The following TTC39B variants were observed in gnomAD, a reference collection of about 807,000 sequenced individuals.
TTC39B encodes tetratricopeptide repeat domain 39B, also known as tetratricopeptide repeat protein 39B.
A neutral mutation model predicts 96.6 loss-of-function variants in TTC39B; 92 were observed. The observed-to-expected ratio is 0.95, with a 90% CI of 0.80 to 1.13. The LOEUF is 1.13. TTC39B is among the 50% of genes most tolerant of loss of function. The pLI is 0.00. For synonymous variants in TTC39B, 367 were observed against 299.4 expected (o/e 1.23, Z -2.33); for missense variants, 955 against 809.3 (o/e 1.18, Z -2.18).
intron 2 of TTC39B, among the ~76,000 whole-genome samples, chr9:15,228,309 C>A (rs959027516): frequency 1.2e-4 from 18 of 152,056 alleles, no homozygotes; most frequent in Admixed American, 1.3e-4. Flanking sequence ...ACTGAAAATA[C>A]AAAAATTAGC....
chr9:15,184,966 G>A (rs1459925533), intron 16 of TTC39B, among the ~76,000 whole-genome samples: 1 of 152,094 alleles, frequency 6.6e-6, no homozygotes, highest in Non-Finnish European at 1.5e-5. Context: ...AACTTCAATG[G>A]AATCAACTTC....
chr9:15,233,954 C>T lies in TTC39B; in HGVS notation c.276-7942G>A, dbSNP rs1429234207. 4.6e-5 allele frequency among the ~76,000 whole-genome samples: 7 copies of T among 151,494 alleles called. No homozygotes were observed. In the East Asian group the frequency reaches 7.8e-4, roughly 17 times the overall value. On this transcript the variant is annotated intron_variant, in intron 2 of 19. Transcript: ENST00000512701. ...GCCATCCCATCTAGGAAGTGAGGAG[C>T]GTCTCTGCCCCGCCGCCCATCGTCT...
chr9:15,234,441 T>A, intron 2 of TTC39B, among the ~76,000 whole-genome samples: 1 of 150,120 alleles, frequency 6.7e-6, no homozygotes, highest in African/African-American at 2.5e-5. Flanking sequence ...AGCCGCCCCG[T>A]CTGGGAGGTG....
intron 2 of TTC39B, among the ~76,000 whole-genome samples, chr9:15,228,737 A>AT (rs1347590533): frequency 2.8e-4 from 43 of 152,228 alleles, no homozygotes; most frequent in African/African-American, 9.9e-4. Flanking sequence ...TCAATTCAGG[A>AT]ATCACTTATG....
intron 2 of TTC39B, among the ~76,000 whole-genome samples, chr9:15,265,090 G>C (rs1823082433): frequency 6.6e-6 from 1 of 152,206 alleles, no homozygotes. Flanking sequence ...TGCTGGAATA[G>C]TGGGCTAGCA....
intron 1 of TTC39B, among the ~76,000 whole-genome samples, chr9:15,272,838 T>C (rs1276864269): frequency 2.0e-5 from 3 of 152,156 alleles, no homozygotes; most frequent in African/African-American, 4.8e-5. Flanking sequence ...CAGTTTCATT[T>C]TGCACGTTAA....
intron 6 of TTC39B, among the ~76,000 whole-genome samples, chr9:15,204,390 G>T (rs779949652): frequency 1.3e-5 from 2 of 151,992 alleles, no homozygotes; most frequent in Non-Finnish European, 1.5e-5. Context: ...TTAGCCAGGC[G>T]TGGTGGCACA....
chr9:15,216,213 C>A (rs1820508879), intron 3 of TTC39B, among the ~76,000 whole-genome samples: 1 of 152,166 alleles, frequency 6.6e-6, no homozygotes, highest in Non-Finnish European at 1.5e-5. Context: ...GTCTGTCTTT[C>A]CTCTCTAGGA....
At chr9:15,185,084 G>T (rs908846678) in intron 16 of TTC39B, among the ~76,000 whole-genome samples, 196 bp downstream of exon 16, 1 of 152,104 alleles carries the variant, frequency 6.6e-6, no homozygotes, top group Non-Finnish European at 1.5e-5. Context: ...GTAATGCCTG[G>T]ATCATACTAA....
Position 15,248,090 on chromosome 9 carries a change from G to C in TTC39B, c.275+19824C>G, listed in dbSNP as rs113933580. ...AGATTTTTTTTAAAAGCCAAAAACAGATTTACCATAGATACTGGGCCTGGC... is the reference window on the plus strand; with the variant it reads ...AGATTTTTTTTAAAAGCCAAAAACACATTTACCATAGATACTGGGCCTGGC... On this transcript the variant is annotated intron_variant, in intron 2 of 19. Coordinates refer to ENST00000512701, the Ensembl canonical transcript of TTC39B. 4.8e-3 allele frequency among the ~76,000 whole-genome samples: 738 copies of C among 152,300 alleles called. 10 individuals are homozygous for C. The highest frequency in any genetic ancestry group is 0.016 in the African/African-American group (655 of 41,570).
intron 2 of TTC39B, among the ~76,000 whole-genome samples, chr9:15,259,922 G>A (rs1357619903): frequency 6.6e-6 from 1 of 152,138 alleles, no homozygotes; most frequent in South Asian, 2.1e-4. Context: ...TAGATTAGTG[G>A]ATGCCCCAGC....
intron 1 of TTC39B, among the ~76,000 whole-genome samples, chr9:15,281,737 C>T (rs1206477101): frequency 6.6e-6 from 1 of 150,520 alleles, no homozygotes; most frequent in African/African-American, 2.5e-5. Context: ...AGTGCAGTGG[C>T]ACAATCTAGG....
intron 3 of TTC39B, among the ~76,000 whole-genome samples, chr9:15,217,579 C>A (rs1213497422): frequency 2.0e-5 from 3 of 152,200 alleles, no homozygotes; most frequent in African/African-American, 7.2e-5. Context: ...ATGGCCAAGA[C>A]TTCTGTCAAG....
intron 2 of TTC39B, among the ~76,000 whole-genome samples, chr9:15,247,169 A>G (rs1237072768): frequency 6.6e-6 from 1 of 152,216 alleles, no homozygotes; most frequent in Non-Finnish European, 1.5e-5. Flanking sequence ...ATAACTGAGG[A>G]TGTGTAGCTT....
At position 15,306,496 on chromosome 9, in the gene TTC39B, A is replaced by C. The variant is rs1824758153; in HGVS notation, c.240+588T>G. ...CCGTGGAGGGAGAGGGAAGCACCAC[A>C]GCCTGGGCTGCGGCTCTAGCCCTCC... is the stretch of plus-strand genomic sequence containing the variant. On this transcript the variant is annotated intron_variant, in intron 1 of 19. Coordinates refer to ENST00000512701, the Ensembl canonical transcript of TTC39B. The surrounding 1 kb of genome is among the most constrained non-coding windows in gnomAD (Gnocchi z 5.1). Among the ~76,000 whole-genome samples the C allele has an allele frequency of 6.6e-6, 1 of 152,198 alleles. No homozygotes were observed. Among genetic ancestry groups the C allele is most frequent in the Non-Finnish European group, 1.5e-5 (1 of 68,012 alleles).
chr9:15,266,515 G>A lies in TTC39B; in HGVS notation c.275+1399C>T, dbSNP rs190602191. On this transcript the variant is annotated intron_variant, in intron 2 of 19. Coordinates refer to ENST00000512701, the Ensembl canonical transcript of TTC39B. ...TACTAAAGTAGGTATCATTTAAGTT[G>A]CAAAACTGTTTTTGAAATAATACCC... Among the ~76,000 whole-genome samples the A allele has an allele frequency of 7.9e-5, 12 of 152,204 alleles. No homozygotes were observed. In the East Asian group the frequency reaches 1.2e-3, roughly 15 times the overall value.
intron 7 of TTC39B, among the ~76,000 whole-genome samples, chr9:15,201,784 G>A (rs566908337): frequency 1.3e-5 from 2 of 152,236 alleles, no homozygotes; most frequent in South Asian, 4.2e-4. Context: ...ACATAGAGAG[G>A]AGGTACCAGT....
intron 1 of TTC39B, among the ~76,000 whole-genome samples, chr9:15,285,681 C>T (rs1206395390): frequency 5.9e-5 from 9 of 152,074 alleles, no homozygotes; most frequent in African/African-American, 1.7e-4. Flanking sequence ...GATGAAACCC[C>T]GTCTCTACTA....
intron 13 of TTC39B, among the ~76,000 whole-genome samples, chr9:15,189,212 G>T (rs117226086): frequency 2.0e-5 from 3 of 152,132 alleles, no homozygotes; most frequent in Non-Finnish European, 2.9e-5. Context: ...GAGCCCACAC[G>T]TAGTAGACCT....
Sources: allele counts gnomAD v4.1 joint callset (sites outside exome capture counted in the v4.1 genomes callset), GRCh38; gene constraint gnomAD v4.1.1; non-coding constraint Gnocchi (gnomAD v3.1); transcripts MANE v1.5; gene names NCBI Gene and HGNC (gene_info 2026-07-23, HGNC 2026-07-21).